The following NKAIN2 variants were observed in gnomAD, a reference collection of about 807,000 sequenced individuals.
NKAIN2 encodes sodium/potassium transporting ATPase interacting 2.
A neutral mutation model predicts 32.6 loss-of-function variants in NKAIN2; 14 were observed. That is an observed-to-expected ratio of 0.43 (90% confidence interval 0.28 to 0.67). The LOEUF is 0.67. NKAIN2 is among the 30% of genes least tolerant of loss of function. The pLI is 0.17. For synonymous variants in NKAIN2, 80 were observed against 87.2 expected (o/e 0.92, Z 0.46); for missense variants, 198 against 258.3 (o/e 0.77, Z 1.60).
chr6:123,922,577 GTTTTGGGGTGGGGAAAGGGCAACCCAAA>G (rs1775804638), intron 1 of NKAIN2, among the ~76,000 whole-genome samples: 1 of 152,132 alleles, frequency 6.6e-6, no homozygotes, highest in Admixed American at 6.6e-5. Context: ...ATTTTGGTCA[GTTTTGGGGTGGGGAAAGGGCAACCCAAA>G]TTTTAGAATT....
At chr6:123,871,522 T>C (rs1772877716) in intron 1 of NKAIN2, among the ~76,000 whole-genome samples, 1 of 152,304 alleles carries the variant, frequency 6.6e-6, no homozygotes, top group African/African-American at 2.4e-5. Flanking sequence ...GAATGCTGTT[T>C]GTATATCCCA....
intron 1 of NKAIN2, among the ~76,000 whole-genome samples, chr6:124,211,812 G>C (rs1049464804): frequency 5.3e-5 from 8 of 152,012 alleles, no homozygotes; most frequent in Admixed American, 2.0e-4. Flanking sequence ...AACAGAAAAA[G>C]TTAAAAGTCG....
intron 2 of NKAIN2, among the ~76,000 whole-genome samples, chr6:124,315,338 G>A (rs1796905064): frequency 6.6e-6 from 1 of 152,094 alleles, no homozygotes; most frequent in South Asian, 2.1e-4. Flanking sequence ...ATTACAAAAA[G>A]CAAATGAGCA....
intron 1 of NKAIN2, among the ~76,000 whole-genome samples, chr6:123,914,917 TA>T (rs1221640848): frequency 6.6e-6 from 1 of 152,174 alleles, no homozygotes; most frequent in Non-Finnish European, 1.5e-5. Flanking sequence ...TGGTTAGTTT[TA>T]AATCAGCCTG....
intron 1 of NKAIN2, among the ~76,000 whole-genome samples, chr6:124,258,735 A>G (rs973392722): frequency 7.2e-5 from 11 of 152,192 alleles, no homozygotes; most frequent in Non-Finnish European, 1.6e-4. Context: ...GCAAGTATGA[A>G]TCTCTGGTAG....
intron 1 of NKAIN2, among the ~76,000 whole-genome samples, chr6:123,991,716 G>C (rs554806541): frequency 6.6e-6 from 1 of 152,092 alleles, no homozygotes; most frequent in South Asian, 2.1e-4. Flanking sequence ...CAAAAAATTA[G>C]CCAGGCATGG....
At chr6:124,232,506 A>C (rs1792513134) in intron 1 of NKAIN2, among the ~76,000 whole-genome samples, 1 of 152,198 alleles carries the variant, frequency 6.6e-6, no homozygotes, top group Non-Finnish European at 1.5e-5. Context: ...TGAAAAAATG[A>C]GCTAATTGTA....
intron 3 of NKAIN2, among the ~76,000 whole-genome samples, chr6:124,530,437 G>A (rs1251214527): frequency 6.6e-6 from 1 of 152,144 alleles, no homozygotes; most frequent in Non-Finnish European, 1.5e-5. Flanking sequence ...CCTGTCTCAG[G>A]GTGGCAGAGG....
chr6:124,167,730 G>C (rs147476105), intron 1 of NKAIN2, among the ~76,000 whole-genome samples: 5 of 152,012 alleles, frequency 3.3e-5, no homozygotes, highest in Admixed American at 1.3e-4. Flanking sequence ...TAGCATGAAG[G>C]GTTGTTGAAT....
intron 3 of NKAIN2, among the ~76,000 whole-genome samples, chr6:124,415,980 C>T (rs1010203028): frequency 1.4e-5 from 2 of 140,166 alleles, no homozygotes; most frequent in Non-Finnish European, 3.0e-5. Context: ...TGGTTATAGT[C>T]CTGCATGTCC....
chr6:124,096,765 G>A (rs566052699), intron 1 of NKAIN2, among the ~76,000 whole-genome samples: 12 of 151,576 alleles, frequency 7.9e-5, no homozygotes, highest in African/African-American at 2.7e-4. Flanking sequence ...GGCTGAGGCA[G>A]GGGAATGGCG....
chr6:124,722,372 T>C (rs891610507), intron 4 of NKAIN2, among the ~76,000 whole-genome samples: 4 of 152,238 alleles, frequency 2.6e-5, no homozygotes, highest in Non-Finnish European at 1.5e-5. Context: ...TTATTTTTAA[T>C]AGTTTAAGGC....
At chr6:124,177,772 C>CTT in intron 1 of NKAIN2, among the ~76,000 whole-genome samples, 1 of 27,700 alleles carries the variant, frequency 3.6e-5, no homozygotes, top group Non-Finnish European at 8.1e-5. Flanking sequence ...TCTGTTCATC[C>CTT]ATTTTTTTTT....
At chr6:124,802,543 T>C (rs947087726) in intron 5 of NKAIN2, among the ~76,000 whole-genome samples, 1 of 152,228 alleles carries the variant, frequency 6.6e-6, no homozygotes, top group African/African-American at 2.4e-5. Context: ...CTACATTTAC[T>C]GAAAGCATCA....
chr6:124,556,398 T>C (rs1420328280), intron 3 of NKAIN2, among the ~76,000 whole-genome samples: 1 of 152,188 alleles, frequency 6.6e-6, no homozygotes, highest in East Asian at 1.9e-4. Flanking sequence ...TTAGAGGTGA[T>C]TAGGTCATGA....
At chr6:124,605,853 C>T (rs535630331) in intron 3 of NKAIN2, among the ~76,000 whole-genome samples, 4 of 151,792 alleles carry the variant, frequency 2.6e-5, no homozygotes, top group Non-Finnish European at 5.9e-5. Flanking sequence ...TGTATCTGTC[C>T]CTTCAGTTTA....
chr6:124,612,879 A>T (rs1782744776), intron 3 of NKAIN2, among the ~76,000 whole-genome samples: 1 of 152,120 alleles, frequency 6.6e-6, no homozygotes, highest in East Asian at 1.9e-4. Flanking sequence ...TGCATGAGAG[A>T]GTTTGGAGGA....
intron 2 of NKAIN2, among the ~76,000 whole-genome samples, chr6:124,348,366 G>T (rs1798544019): frequency 6.6e-6 from 1 of 152,198 alleles, no homozygotes; most frequent in Non-Finnish European, 1.5e-5. Context: ...CCTCAAAGCT[G>T]TCAGACAGGG....
At chr6:124,803,870 C>A (rs1053147745) in intron 5 of NKAIN2, among the ~76,000 whole-genome samples, 1 of 152,136 alleles carries the variant, frequency 6.6e-6, no homozygotes, top group Non-Finnish European at 1.5e-5. Context: ...TTGTATAAAT[C>A]CTTTTTGAAA....
Sources: allele counts gnomAD v4.1 joint callset (sites outside exome capture counted in the v4.1 genomes callset), GRCh38; gene constraint gnomAD v4.1.1; transcripts MANE v1.5; gene names NCBI Gene and HGNC (gene_info 2026-07-23, HGNC 2026-07-21).